The following TRPC6 variants were observed in gnomAD, a reference collection of about 807,000 sequenced individuals.
TRPC6 encodes transient receptor potential cation channel subfamily C member 6.
Under a neutral mutation model 90.7 loss-of-function variants are expected in TRPC6, and 55 were observed. The ratio of observed to expected loss-of-function variants is 0.61; its 90% confidence interval spans 0.49 to 0.76. The LOEUF is 0.76. Among genes scored for constraint, TRPC6 ranks in the 30% least tolerant of loss-of-function variants. TRPC6 has a pLI of 0.00. For synonymous variants in TRPC6, 393 were observed against 393.0 expected, an observed-to-expected ratio of 1.00 and a Z score of 0.00; for missense variants, 989 against 1,122.7, an observed-to-expected ratio of 0.88 and a Z score of 1.70.
intron 10 of TRPC6, among the ~76,000 whole-genome samples, chr11:101,460,860 T>C (rs1858989087): frequency 6.6e-6 from 1 of 152,198 alleles, no homozygotes; most frequent in Non-Finnish European, 1.5e-5. Flanking sequence ...TATGAATATT[T>C]AGGTTTTGGA....
chr11:101,469,041 C>G (rs17093587), intron 10 of TRPC6, among the ~76,000 whole-genome samples: 1 of 152,148 alleles, frequency 6.6e-6, no homozygotes, highest in African/African-American at 2.4e-5. Context: ...CTTTTTCCAT[C>G]GCTTCTTGAT....
At chr11:101,582,119 CAT>C (rs772755573) in intron 1 of TRPC6, among the ~76,000 whole-genome samples, 9 of 152,182 alleles carry the variant, frequency 5.9e-5, no homozygotes, top group Non-Finnish European at 1.2e-4. Context: ...AAAAGAAAAA[CAT>C]ATACATAATT....
At position 101,472,317 on chromosome 11, in the gene TRPC6, A is replaced by C; in HGVS notation, c.2025T>G (p.Phe675Leu). The C allele has an allele frequency of 6.2e-7, 1 of 1,612,786 alleles. No individual in the cohort carries two copies. The highest frequency in any genetic ancestry group is 8.5e-7 in the Non-Finnish European group (1 of 1,179,412). The change falls in exon 8 of 13, where the codon TTT becomes TTG. Residue 675 changes from phenylalanine (F) to leucine (L), a missense_variant. Physicochemically the swap from Phe to Leu is conservative, Grantham distance 22. Around this residue, in one of 4 missense-constraint regions of TRPC6, gnomAD observed 118 missense variants for 197.6 expected, o/e 0.60. Transcript: ENST00000344327. The part of the protein sequence containing the change: ...NEAFTTVEES[F>L]KTLFWAIFGL... The stretch of plus-strand genomic sequence containing the variant: ...CAAATATAGCCCAGAACAGTGTCTT[A>C]AAACTCTCTTCAACTCTGGGGAAAA...
chr11:101,476,700 G>A (rs888968057), intron 5 of TRPC6, among the ~76,000 whole-genome samples, 166 bp from the exon 6 acceptor site: 1 of 152,084 alleles, frequency 6.6e-6, no homozygotes, highest in South Asian at 2.1e-4. Flanking sequence ...AAATATCCTA[G>A]TCCAGAAATA....
At chr11:101,559,635 C>CCT (rs985616378) in intron 1 of TRPC6, among the ~76,000 whole-genome samples, 1 of 148,182 alleles carries the variant, frequency 6.7e-6, no homozygotes, top group African/African-American at 2.5e-5. Context: ...AATGTCTTTT[C>CCT]TTTTTTTTTT....
In TRPC6 at chr11:101,515,248, C is replaced by G. The variant is rs542283077; in HGVS notation, c.171-10450G>C. On this transcript the variant is annotated intron_variant, in intron 1 of 12. Transcript: ENST00000344327. ...TCTCTTCCTTTAATGCCAGCTGTTA[C>G]ATCTGCACCATGTGTCCAAAGAACA... 2.0e-5 allele frequency among the ~76,000 whole-genome samples: 3 copies of G among 152,214 alleles called. No homozygotes were observed. In the South Asian group the frequency reaches 6.2e-4, roughly 31 times the overall value.
Position 101,491,966 on chromosome 11 carries a change from G to A in TRPC6, c.946-228C>T, listed in dbSNP as rs12795143. Among the ~76,000 whole-genome samples, 1,244 of 146,824 alleles carry A rather than the reference G, an allele frequency of 8.5e-3. 15 individuals carry two copies. The highest frequency in any genetic ancestry group is 0.03 in the African/African-American group (1,187 of 39,862). The stretch of plus-strand genomic sequence containing the variant: ...CGCCATTCTCCTGCCTCAGCCTCCC[G>A]AGTAGCTGGGACTACAGGCGCCCGC... On this transcript the variant is annotated intron_variant, in intron 2 of 12. Coordinates refer to ENST00000344327, the MANE Select transcript of TRPC6 (RefSeq NM_004621.6).
In TRPC6 at chr11:101,558,228, TGTATATGG is replaced by T. The variant is rs376108290; in HGVS notation, c.170+25098_170+25105del. Among the ~76,000 whole-genome samples, 606 of 112,856 alleles carry T rather than the reference TGTATATGG, an allele frequency of 5.4e-3. 19 individuals carry two copies. Among genetic ancestry groups the T allele is most frequent in the South Asian group, 6.4e-3 (23 of 3,582 alleles). The allele number at this position is 112,856 out of a possible 152,430, so 74.0% of individuals were successfully genotyped here. ...GTGTATACATGTATATATGTATACA[TGTATATGG>T]GTATACATGTATATATGTATACATG... On this transcript the variant is annotated intron_variant, in intron 1 of 12. Transcript: ENST00000344327.
chr11:101,572,914 G>A (rs530839033), intron 1 of TRPC6, among the ~76,000 whole-genome samples: 2 of 152,118 alleles, frequency 1.3e-5, no homozygotes, highest in Admixed American at 6.5e-5. Flanking sequence ...TGTAGATGAC[G>A]GGTTGATGGC....
At chr11:101,537,691 T>C (rs1861083513) in intron 1 of TRPC6, among the ~76,000 whole-genome samples, 1 of 152,176 alleles carries the variant, frequency 6.6e-6, no homozygotes, top group Non-Finnish European at 1.5e-5. Flanking sequence ...TAAAAATCAT[T>C]GTCTAATATT....
chr11:101,513,558 A>C, intron 1 of TRPC6, among the ~76,000 whole-genome samples: 1 of 147,566 alleles, frequency 6.8e-6, no homozygotes, highest in Non-Finnish European at 1.5e-5. Flanking sequence ...GAGGAAAAGA[A>C]ATTACTGATG....
At chr11:101,550,766 C>T (rs1861431902) in intron 1 of TRPC6, among the ~76,000 whole-genome samples, 1 of 151,554 alleles carries the variant, frequency 6.6e-6, no homozygotes, top group Admixed American at 6.6e-5. Context: ...CCTCACTGGA[C>T]TGGAAAAATG....
At chr11:101,460,225 A>T (rs1312110366) in intron 10 of TRPC6, among the ~76,000 whole-genome samples, 1 of 152,124 alleles carries the variant, frequency 6.6e-6, no homozygotes, top group Non-Finnish European at 1.5e-5. Flanking sequence ...CAGTACATGT[A>T]CCCCTTGGTA....
intron 10 of TRPC6, among the ~76,000 whole-genome samples, chr11:101,467,626 A>G (rs1296420258): frequency 6.6e-6 from 1 of 152,198 alleles, no homozygotes; most frequent in African/African-American, 2.4e-5. Flanking sequence ...TTTCCTATGT[A>G]TTCTATTCAT....
Position 101,466,994 on chromosome 11 carries a change from C to T in TRPC6, c.2484+2433G>A, listed in dbSNP as rs149681345. Among the ~76,000 whole-genome samples, 16 of 152,212 alleles carry T rather than the reference C, an allele frequency of 1.1e-4. No homozygotes were observed. In the East Asian group the frequency reaches 2.9e-3, roughly 28 times the overall value. On this transcript the variant is annotated intron_variant, in intron 10 of 12. Transcript: ENST00000344327. ...GGGGGAGAAATTCCCCAACCCCTTG[C>T]GATGCCCCACCCTGCTTCAGCTCGC...
At chr11:101,473,846 G>A (rs926609941) in intron 6 of TRPC6, 73 bp from the exon 7 acceptor site, 43 of 1,596,254 alleles carry the variant, frequency 2.7e-5, no homozygotes, top group African/African-American at 4.0e-5. Context: ...CTTTTTCTGC[G>A]AAAGAAATAT....
intron 10 of TRPC6, among the ~76,000 whole-genome samples, chr11:101,461,649 A>G (rs533423639): frequency 6.6e-6 from 1 of 152,292 alleles, no homozygotes; most frequent in East Asian, 1.9e-4. Context: ...TTTCAGTAAC[A>G]TTTTCCCCTT....
intron 2 of TRPC6, 147 bp downstream of exon 2, chr11:101,503,877 G>T (rs533158288): frequency 9.9e-6 from 10 of 1,010,300 alleles, no homozygotes; most frequent in South Asian, 4.2e-5. Context: ...TTGCTACAAT[G>T]ATTATAATAA....
At chr11:101,583,068 G>T in intron 1 of TRPC6, 1 of 624,836 alleles carries the variant, frequency 1.6e-6, no homozygotes, top group Non-Finnish European at 2.0e-6. Flanking sequence ...CAATGGTGGT[G>T]TTACTATGCG....
Sources: allele counts gnomAD v4.1 joint callset (sites outside exome capture counted in the v4.1 genomes callset), GRCh38; gene constraint gnomAD v4.1.1; regional missense constraint gnomAD v4.1.1; transcripts MANE v1.5; gene names NCBI Gene and HGNC (gene_info 2026-07-23, HGNC 2026-07-21).